MBP: variants seen among roughly 807,000 people sequenced by gnomAD.
MBP encodes myelin basic protein, also known as Golli-MBP.
In MBP, 16 loss-of-function variants were observed where a neutral mutation model predicts 35.8. The ratio of observed to expected loss-of-function variants is 0.45; its 90% confidence interval spans 0.30 to 0.68. MBP has a LOEUF of 0.68. MBP is among the 30% of genes least tolerant of loss of function. The pLI is 0.08. For synonymous variants in MBP, 143 were observed against 159.6 expected, an observed-to-expected ratio of 0.90 and a Z score of 0.78; for missense variants, 380 against 404.7, an observed-to-expected ratio of 0.94 and a Z score of 0.52.
chr18:77,044,733 T>G lies in MBP; in HGVS notation c.139+21565A>C, dbSNP rs1440912157. On this transcript the variant is annotated intron_variant, in intron 3 of 8. Coordinates refer to ENST00000355994, the MANE Select transcript of MBP (RefSeq NM_001025101.2). The surrounding 1 kb of genome is among the most constrained non-coding windows in gnomAD (Gnocchi z 4.4). ...TGAAATGCTTAAAAGCAAATTAAAC[T>G]TAACTCATAAAAGGAGAAGAAAAAT... Among the ~76,000 whole-genome samples, 1 of 152,140 alleles carries G rather than the reference T, an allele frequency of 6.6e-6. No homozygotes were observed. Among genetic ancestry groups the G allele is most frequent in the African/African-American group, 2.4e-5 (1 of 41,428 alleles).
chr18:76,998,968 TG>T (rs983153770), intron 4 of MBP, among the ~76,000 whole-genome samples: 2 of 146,812 alleles, frequency 1.4e-5, no homozygotes, highest in South Asian at 2.2e-4. Context: ...AGCAGTGTTT[TG>T]GGGGGTTTAA....
chr18:77,049,422 T>C (rs914544177), intron 3 of MBP, among the ~76,000 whole-genome samples: 10 of 152,358 alleles, frequency 6.6e-5, no homozygotes, highest in Non-Finnish European at 1.2e-4. Flanking sequence ...TTATAGTCTG[T>C]TTCTTTTGGA....
chr18:77,122,688 G>C (rs1277827371), intron 1 of MBP, among the ~76,000 whole-genome samples: 2 of 151,984 alleles, frequency 1.3e-5, no homozygotes, highest in Non-Finnish European at 2.9e-5. Flanking sequence ...GATTACAGGC[G>C]CCCACCACCA....
intron 4 of MBP, among the ~76,000 whole-genome samples, chr18:77,007,801 C>T (rs1971081335): frequency 6.6e-6 from 1 of 152,200 alleles, no homozygotes; most frequent in African/African-American, 2.4e-5. Flanking sequence ...GAGCCTCAGG[C>T]AGCCACGTGG....
chr18:77,035,039 T>C (rs1329043402), intron 3 of MBP, among the ~76,000 whole-genome samples: 1 of 152,210 alleles, frequency 6.6e-6, no homozygotes, highest in African/African-American at 2.4e-5. Context: ...AGCCGGAGGA[T>C]GCAGCATGCC....
intron 7 of MBP, chr18:76,987,603 A>C (rs1969629686): frequency 1.0e-6 from 1 of 985,258 alleles, no homozygotes; most frequent in African/African-American, 1.7e-5. Context: ...TCATTCATTT[A>C]TATGATGCTT....
intron 2 of MBP, among the ~76,000 whole-genome samples, chr18:77,067,409 C>A (rs58617827): frequency 2.2e-4 from 33 of 152,246 alleles, no homozygotes; most frequent in Non-Finnish European, 3.4e-4. Context: ...GACGTCATGT[C>A]GGCACGCACA....
chr18:76,988,442 C>G lies in MBP; in HGVS notation c.750+53G>C, dbSNP rs1469455180. On this transcript the variant is annotated intron_variant, in intron 7 of 8. Coordinates refer to ENST00000355994, the MANE Select transcript of MBP (RefSeq NM_001025101.2). The surrounding 1 kb of genome is among the most constrained non-coding windows in gnomAD (Gnocchi z 5.2). ...AGAGCAGAACACAAAAGTTGCGGGG[C>G]TGTGAGGACTGGGACGGAAGAGGAA... is the stretch of plus-strand genomic sequence containing the variant. 1.2e-6 allele frequency: 2 copies of G among 1,614,064 alleles called. No individual in the cohort carries two copies. Among genetic ancestry groups the G allele is most frequent in the African/African-American group, 2.7e-5 (2 of 74,926 alleles).
Position 77,019,878 on chromosome 18 carries a change from G to T in MBP, c.140-2610C>A, listed in dbSNP as rs182803704. Among the ~76,000 whole-genome samples the T allele has an allele frequency of 2.5e-3, 378 of 152,338 alleles. 1 individual carries two copies. Among genetic ancestry groups the T allele is most frequent in the Admixed American group, 3.7e-3 (56 of 15,304 alleles). ...GAAGCAGCAGGAGAGCGGCCATGCT[G>T]GTTCTGGGTCCAGGAGGATGGCCGG... On this transcript the variant is annotated intron_variant, in intron 3 of 8. Coordinates refer to ENST00000355994, the MANE Select transcript of MBP (RefSeq NM_001025101.2).
intron 3 of MBP, among the ~76,000 whole-genome samples, chr18:77,039,224 G>A (rs1015384510): frequency 6.6e-6 from 1 of 152,094 alleles, no homozygotes; most frequent in South Asian, 2.1e-4. Flanking sequence ...ATACTGTCTG[G>A]CCCTTTATGG....
chr18:76,992,484 T>A (rs540322869), intron 4 of MBP, among the ~76,000 whole-genome samples: 2 of 152,192 alleles, frequency 1.3e-5, no homozygotes, highest in African/African-American at 4.8e-5. Context: ...GGGGACCCCT[T>A]CTTTAAACGT....
upstream of MBP, among the ~76,000 whole-genome samples, chr18:77,133,092 C>CACCCCG (rs1465087129): frequency 5.3e-5 from 8 of 152,184 alleles, no homozygotes; most frequent in East Asian, 7.8e-4. Flanking sequence ...CCTCCGAACC[C>CACCCCG]ACCCCGACCC....
At chr18:77,105,134 A>T in intron 2 of MBP, 77 bp downstream of exon 2, 1 of 1,398,740 alleles carries the variant, frequency 7.1e-7, no homozygotes, top group African/African-American at 1.4e-5. Context: ...CCATGCCCGT[A>T]GCCTCTGACA....
At chr18:76,990,830 G>T in intron 4 of MBP, 1 of 252,576 alleles carries the variant, frequency 4.0e-6, no homozygotes, top group Non-Finnish European at 8.1e-6. Flanking sequence ...GACACACCTG[G>T]GGCAGCTACG....
In MBP at chr18:77,104,357, T is replaced by C. The variant is rs866647761; in HGVS notation, c.51+854A>G. Among the ~76,000 whole-genome samples, 180 of 152,300 alleles carry C rather than the reference T, an allele frequency of 1.2e-3. 1 individual carries two copies. Among genetic ancestry groups the C allele is most frequent in the African/African-American group, 4.1e-3 (171 of 41,548 alleles). On this transcript the variant is annotated intron_variant, in intron 2 of 8. Transcript: ENST00000355994. The stretch of plus-strand genomic sequence containing the variant: ...CTGAAGTCTCTGGGAGATTCCAATA[T>C]GCAGGCAGGCCAGAGCATGACCCCA...
intron 4 of MBP, chr18:77,014,030 T>A (rs1271449633): frequency 1.0e-6 from 1 of 985,300 alleles, no homozygotes; most frequent in Non-Finnish European, 1.2e-6. Flanking sequence ...CCATTCCTCA[T>A]GTGACCCTGA....
chr18:77,107,302 A>G (rs539650553), intron 1 of MBP, among the ~76,000 whole-genome samples: 40 of 152,156 alleles, frequency 2.6e-4, no homozygotes, highest in African/African-American at 8.9e-4. Context: ...ACCTCCTATC[A>G]CCGGCTGTGT....
At chr18:77,059,478 ATTAT>A (rs1335742911) in intron 3 of MBP, among the ~76,000 whole-genome samples, 2 of 57,338 alleles carry the variant, frequency 3.5e-5, no homozygotes, top group Non-Finnish European at 5.7e-5. Flanking sequence ...GTAGTCACTA[ATTAT>A]TTATAATTAA....
At chr18:76,986,786 CA>C in intron 7 of MBP, 1 of 985,452 alleles carries the variant, frequency 1.0e-6, no homozygotes, top group Non-Finnish European at 1.2e-6. Flanking sequence ...TGCTTTTCTC[CA>C]AAAATAAAGC....
Sources: allele counts gnomAD v4.1 joint callset (sites outside exome capture counted in the v4.1 genomes callset), GRCh38; gene constraint gnomAD v4.1.1; non-coding constraint Gnocchi (gnomAD v3.1); transcripts MANE v1.5; gene names NCBI Gene and HGNC (gene_info 2026-07-23, HGNC 2026-07-21).